The following FSTL4 variants were observed in gnomAD, a reference collection of about 807,000 sequenced individuals.
FSTL4 encodes the protein follistatin like 4, also known as follistatin-related protein 4.
Under a neutral mutation model 78.2 loss-of-function variants are expected in FSTL4, and 28 were observed. That is an observed-to-expected ratio of 0.36 (90% CI 0.27 to 0.49). The LOEUF is 0.49. Ranked by LOEUF, FSTL4 falls within the 20% of genes least tolerant of loss-of-function variation. FSTL4 has a pLI of 0.98. For synonymous variants in FSTL4, 422 were observed against 440.5 expected, an observed-to-expected ratio of 0.96 and a Z score of 0.53; for missense variants, 922 against 1,084.9, an observed-to-expected ratio of 0.85 and a Z score of 2.11.
At chr5:133,404,512 G>A (rs1390214806) in intron 3 of FSTL4, among the ~76,000 whole-genome samples, 1 of 152,162 alleles carries the variant, frequency 6.6e-6, no homozygotes, top group East Asian at 1.9e-4. Context: ...TAAATTTACT[G>A]AACATGGTCA....
At chr5:133,269,168 G>A (rs1230586007) in intron 6 of FSTL4, among the ~76,000 whole-genome samples, 1 of 142,526 alleles carries the variant, frequency 7.0e-6, no homozygotes, top group African/African-American at 2.7e-5. Flanking sequence ...CTGGGCGATG[G>A]AGCGAGACTC....
At chr5:133,237,242 C>T (rs1442327679) in intron 7 of FSTL4, among the ~76,000 whole-genome samples, 1 of 152,178 alleles carries the variant, frequency 6.6e-6, no homozygotes, top group East Asian at 1.9e-4. Context: ...CTCTTTTGCA[C>T]TCCTCAGGCT....
chr5:133,521,730 T>C (rs988161875), intron 3 of FSTL4, among the ~76,000 whole-genome samples: 9 of 152,238 alleles, frequency 5.9e-5, no homozygotes, highest in African/African-American at 2.2e-4. Context: ...AACTCTTTAT[T>C]TGGCTATTAA....
At chr5:133,255,448 CAA>C (rs1305549216) in intron 6 of FSTL4, among the ~76,000 whole-genome samples, 6 of 152,224 alleles carry the variant, frequency 3.9e-5, no homozygotes, top group African/African-American at 1.4e-4. Context: ...GGGATGAAAA[CAA>C]ATGGGTCACA....
intron 4 of FSTL4, among the ~76,000 whole-genome samples, chr5:133,362,874 C>G (rs375916882): frequency 6.6e-6 from 1 of 152,210 alleles, no homozygotes. Context: ...TGCCTTTAAC[C>G]TATCTCCTTT....
chr5:133,551,942 T>G (rs1759698798), intron 3 of FSTL4, among the ~76,000 whole-genome samples: 1 of 152,228 alleles, frequency 6.6e-6, no homozygotes, highest in Admixed American at 6.5e-5. Context: ...GAACCTTGCT[T>G]GTAAATTTAC....
At chr5:133,276,711 T>C (rs765257140) in intron 6 of FSTL4, among the ~76,000 whole-genome samples, 3 of 152,178 alleles carry the variant, frequency 2.0e-5, no homozygotes, top group Non-Finnish European at 4.4e-5. Flanking sequence ...CACCAGCAAT[T>C]TGATGCGAAG....
the FSTL4 span, among the ~76,000 whole-genome samples, chr5:133,652,418 A>C: frequency 2.6e-5 from 4 of 151,890 alleles, no homozygotes; most frequent in Admixed American, 2.0e-4. Flanking sequence ...TGCTGCTTTC[A>C]TTGCATCTCA....
chr5:133,786,583 C>A, the FSTL4 span, among the ~76,000 whole-genome samples: 1 of 152,182 alleles, frequency 6.6e-6, no homozygotes, highest in Admixed American at 6.5e-5. Context: ...ATCGGTCAAA[C>A]AAGTCTAGCC....
chr5:133,621,465 A>C, the FSTL4 span, among the ~76,000 whole-genome samples: 1 of 152,202 alleles, frequency 6.6e-6, no homozygotes, highest in Non-Finnish European at 1.5e-5. Context: ...CCTGGATGAG[A>C]TTAGAGACTG....
At chr5:133,546,331 C>A (rs184669017) in intron 3 of FSTL4, among the ~76,000 whole-genome samples, 1 of 151,894 alleles carries the variant, frequency 6.6e-6, no homozygotes, top group East Asian at 1.9e-4. Context: ...CACGGTGAAA[C>A]CCCGTCTCTA....
the FSTL4 span, among the ~76,000 whole-genome samples, chr5:133,617,805 T>C: frequency 6.6e-6 from 1 of 152,184 alleles, no homozygotes; most frequent in South Asian, 2.1e-4. Flanking sequence ...GACAAAGTTC[T>C]TTCACAGGGG....
At chr5:133,567,622 C>G (rs1485235578) in intron 2 of FSTL4, among the ~76,000 whole-genome samples, 2 of 152,174 alleles carry the variant, frequency 1.3e-5, no homozygotes, top group African/African-American at 4.8e-5. Context: ...TGGCCAGCAG[C>G]AGGTTCTGTT....
intron 5 of FSTL4, among the ~76,000 whole-genome samples, chr5:133,314,190 T>C (rs769092833): frequency 2.0e-5 from 3 of 152,230 alleles, no homozygotes; most frequent in Admixed American, 6.5e-5. Context: ...CAGGTGGTTC[T>C]TCCTGCAAGT....
chr5:133,714,062 A>T, the FSTL4 span, among the ~76,000 whole-genome samples: 1 of 152,166 alleles, frequency 6.6e-6, no homozygotes. Context: ...ACTGACCCAC[A>T]GAAGAGGTGA....
chr5:133,292,983 T>G (rs1753302889), intron 6 of FSTL4, among the ~76,000 whole-genome samples: 1 of 152,230 alleles, frequency 6.6e-6, no homozygotes, highest in South Asian at 2.1e-4. Flanking sequence ...GGGTGATATT[T>G]CTCCTTCGTC....
chr5:133,670,433 A>G, the FSTL4 span, among the ~76,000 whole-genome samples: 1 of 152,238 alleles, frequency 6.6e-6, no homozygotes, highest in Admixed American at 6.5e-5. Context: ...GAGCCCGGGG[A>G]GTGGAACCAA....
intron 6 of FSTL4, among the ~76,000 whole-genome samples, chr5:133,252,618 G>T (rs971763112): frequency 1.4e-5 from 1 of 72,278 alleles, no homozygotes; most frequent in Non-Finnish European, 2.3e-5. Flanking sequence ...GTGGGAGACA[G>T]GGAGACGAGG....
chr5:133,737,484 C>T, the FSTL4 span, among the ~76,000 whole-genome samples: 1 of 151,998 alleles, frequency 6.6e-6, no homozygotes. Flanking sequence ...ATATGTGCCA[C>T]ATATTCTTTA....
Sources: gnomAD v4.1 joint callset for allele counts (sites outside exome capture counted in the v4.1 genomes callset) on GRCh38, gnomAD v4.1.1 for gene constraint, MANE v1.5 for transcripts, NCBI Gene and HGNC (gene_info 2026-07-23, HGNC 2026-07-21) for gene names.